CCNE2: variants seen among roughly 807,000 people sequenced by gnomAD.
The protein encoded by CCNE2 is G1/S-specific cyclin-E2.
Under a neutral mutation model 56.8 loss-of-function variants are expected in CCNE2, and 18 were observed. The ratio of observed to expected loss-of-function variants is 0.32; its 90% CI spans 0.22 to 0.47. CCNE2 has a LOEUF of 0.47. Ranked by LOEUF, CCNE2 falls within the 20% of genes least tolerant of loss-of-function variation. The probability of loss-of-function intolerance (pLI) is 1.00; values close to 1 mark genes in which losing one functional copy is unlikely to be tolerated. For missense variants in CCNE2, 371 were observed against 467.1 expected (o/e 0.79, Z 1.90); for synonymous variants, 139 against 149.2 (o/e 0.93, Z 0.50).
At position 94,892,976 on chromosome 8, in the gene CCNE2, TAAAA is replaced by T; in HGVS notation, c.166-11_166-8del. 2.0e-6 allele frequency: 3 copies of T among 1,507,748 alleles called. No individual in the cohort carries two copies. Among genetic ancestry groups the T allele is most frequent in the Non-Finnish European group, 8.8e-7 (1 of 1,136,640 alleles). 93.4% of individuals were successfully genotyped at this position (1,507,748 alleles called of 1,614,324 possible). Reference sequence around the variant, plus strand: ...ATACAGGTGGCCAACAATTCTGTCATAAAAAAAAAGAAAAATATCAATTTGTGCA... The same window carrying T: ...ATACAGGTGGCCAACAATTCTGTCATAAAAAGAAAAATATCAATTTGTGCA... On this transcript the variant is annotated splice_region_variant and splice_polypyrimidine_tract_variant and intron_variant, in intron 4 of 11. Transcript: ENST00000308108.
At chr8:94,882,692 T>C in intron 10 of CCNE2, 89 bp downstream of exon 10, 2 of 881,620 alleles carry the variant, frequency 2.3e-6, no homozygotes, top group Non-Finnish European at 3.6e-6. Flanking sequence ...AAGTTTTAAA[T>C]GCATGTTTAG....
Position 94,880,706 on chromosome 8 carries a change from AT to A in CCNE2, c.*925del. The A allele has an allele frequency of 2.5e-6, 1 of 395,156 alleles. No individual in the cohort carries two copies. Among genetic ancestry groups the A allele is most frequent in the East Asian group, 3.6e-5 (1 of 27,858 alleles). The allele number at this position is 395,156 out of a possible 1,614,324, so 24.5% of individuals were successfully genotyped here. A position where few individuals can be genotyped will look rare whatever the true frequency, so the allele number is the denominator to read the frequency against. On this transcript the variant is annotated 3_prime_UTR_variant, in exon 12 of 12. Transcript: ENST00000308108. ...ACTGTCCTTATCTCACAATGGAGGA[AT>A]TTAGAAAGGACCTTAACAGTTTCAC... is the stretch of plus-strand genomic sequence containing the variant.
In CCNE2 at chr8:94,880,564, G is replaced by A; in HGVS notation, c.*1068C>T. 1 of 317,056 alleles carries A rather than the reference G, an allele frequency of 3.2e-6. No homozygotes were observed. The highest frequency in any genetic ancestry group is 5.6e-6 in the Non-Finnish European group (1 of 177,712). The allele number at this position is 317,056 out of a possible 1,614,324, so 19.6% of individuals were successfully genotyped here. A position where few individuals can be genotyped will look rare whatever the true frequency, so the allele number is the denominator to read the frequency against. ...TTTAGAAATAGCTAGCCTATGTACA[G>A]CAAGTTTTCATGTCTTTTTTTAATA... On this transcript the variant is annotated 3_prime_UTR_variant, in exon 12 of 12. Transcript: ENST00000308108.
chr8:94,883,285 A>C (rs913279607), intron 9 of CCNE2, among the ~76,000 whole-genome samples: 7 of 152,132 alleles, frequency 4.6e-5, no homozygotes, highest in Non-Finnish European at 1.0e-4. Flanking sequence ...CAAAAAAAAA[A>C]AAAACAAGCC....
In CCNE2 at chr8:94,880,748, C is replaced by T. The variant is rs1243670359; in HGVS notation, c.*884G>A. 2.5e-6 allele frequency: 1 copy of T among 396,700 alleles called. No homozygotes were observed. Among genetic ancestry groups the T allele is most frequent in the Non-Finnish European group, 4.4e-6 (1 of 225,270 alleles). The allele number at this position is 396,700 out of a possible 1,614,324, so 24.6% of individuals were successfully genotyped here. On this transcript the variant is annotated 3_prime_UTR_variant, in exon 12 of 12. Transcript: ENST00000308108. ...ACAGTTTCACAAACATAAATAAAGCCTTAGTCACACTAAATTAAAAAAAAA... is the reference window on the plus strand; with the variant it reads ...ACAGTTTCACAAACATAAATAAAGCTTTAGTCACACTAAATTAAAAAAAAA...
At chr8:94,887,585 T>G (rs1817085990) in intron 7 of CCNE2, among the ~76,000 whole-genome samples, 1 of 152,240 alleles carries the variant, frequency 6.6e-6, no homozygotes. Flanking sequence ...TATTAGCTGT[T>G]TAGTTTTCAA....
chr8:94,885,588 A>G, intron 7 of CCNE2, 30 bp from the exon 8 acceptor site: 1 of 1,314,896 alleles, frequency 7.6e-7, no homozygotes, highest in South Asian at 1.3e-5. Flanking sequence ...TATTGAGTAC[A>G]ATTGAGATAG....
intron 9 of CCNE2, chr8:94,883,615 A>G (rs1306628881): frequency 4.1e-6 from 1 of 245,418 alleles, no homozygotes; most frequent in Non-Finnish European, 8.5e-6. Context: ...AGGGTCTTTA[A>G]GAAGTCAGAA....
chr8:94,887,690 T>TA (rs1441673060), intron 7 of CCNE2, among the ~76,000 whole-genome samples: 2 of 152,206 alleles, frequency 1.3e-5, no homozygotes, highest in East Asian at 3.8e-4. Context: ...ACATTTCACT[T>TA]AGATACTAAT....
At chr8:94,882,008 C>A in intron 11 of CCNE2, 124 bp downstream of exon 11, 1 of 999,442 alleles carries the variant, frequency 1.0e-6, no homozygotes, top group Non-Finnish European at 1.5e-6. Context: ...ATTTTGAAAT[C>A]AGTGTGCCCC....
At chr8:94,882,491 TCTTAACCAGTA>T (rs1816861343) in intron 10 of CCNE2, among the ~76,000 whole-genome samples, 1 of 152,248 alleles carries the variant, frequency 6.6e-6, no homozygotes, top group Non-Finnish European at 1.5e-5. Flanking sequence ...CTTCAGAACT[TCTTAACCAGTA>T]CCTTCTACAT....
intron 6 of CCNE2, 131 bp downstream of exon 6, chr8:94,890,284 G>GT: frequency 1.4e-6 from 1 of 703,254 alleles, no homozygotes. Flanking sequence ...ATCAACTACA[G>GT]TAAGTACCTC....
intron 5 of CCNE2, chr8:94,891,674 A>ATT: frequency 1.9e-6 from 1 of 539,642 alleles, no homozygotes. Context: ...AAAAAAAAAA[A>ATT]AAAAAACACC....
At chr8:94,886,265 G>A (rs1442069992) in intron 7 of CCNE2, among the ~76,000 whole-genome samples, 2 of 152,076 alleles carry the variant, frequency 1.3e-5, no homozygotes, top group Non-Finnish European at 2.9e-5. Context: ...TCATATCTAG[G>A]TATCTAGTAA....
chr8:94,893,913 T>C lies in CCNE2; in HGVS notation c.143A>G (p.Lys48Arg). 6.2e-7 allele frequency: 1 copy of C among 1,613,962 alleles called. No homozygotes were observed. Among genetic ancestry groups the C allele is most frequent in the Non-Finnish European group, 8.5e-7 (1 of 1,179,838 alleles). ...TACCCTAATTTCATACTGATGTTTC[T>C]TGGTGACCTCCTCTCTTCTTTTTTT... ...DVKKRREEVT[K>R]KHQYEIRNCW... Residue 48 changes from lysine (K) to arginine (R), a missense_variant, in exon 4 of 12, where the codon AAG becomes AGG. By Grantham distance (26) the Lys-to-Arg change is conservative. Transcript: ENST00000308108.
chr8:94,895,640 C>T (rs1817475978), upstream of CCNE2: 1 of 152,280 alleles, frequency 6.6e-6, no homozygotes. Context: ...GGGGCGCGCC[C>T]TAGCTGTCCC....
upstream of CCNE2, among the ~76,000 whole-genome samples, chr8:94,895,499 C>T (rs1473775426): frequency 2.0e-5 from 3 of 152,206 alleles, no homozygotes; most frequent in Admixed American, 6.5e-5. Context: ...GCGCATCTCC[C>T]GCCAGTTTGC....
intron 9 of CCNE2, chr8:94,884,044 CT>C (rs1816935906): frequency 3.3e-6 from 1 of 305,112 alleles, no homozygotes; most frequent in Non-Finnish European, 7.0e-6. Flanking sequence ...ATTTGGGATG[CT>C]AGGAATTCTG....
At chr8:94,895,280 G>A (rs1296646356), upstream of CCNE2, 2 of 984,418 alleles carry the variant, frequency 2.0e-6, no homozygotes, top group Non-Finnish European at 2.4e-6. Context: ...TGACACCTCC[G>A]GACAGCGCGC....
Sources: allele counts gnomAD v4.1 joint callset (sites outside exome capture counted in the v4.1 genomes callset), GRCh38; gene constraint gnomAD v4.1.1; transcripts MANE v1.5; gene names NCBI Gene and HGNC (gene_info 2026-07-23, HGNC 2026-07-21).